The following HLCS variants were observed in gnomAD, a reference collection of about 807,000 sequenced individuals.
The protein encoded by HLCS is biotin--protein ligase.
HLCS carries 53 observed loss-of-function variants against 75.0 expected under a neutral mutation model. That is an observed-to-expected ratio of 0.71 (90% CI 0.57 to 0.89). The LOEUF (loss-of-function observed/expected upper bound fraction) is 0.89, where lower values mean the gene tolerates loss of function less well. HLCS is among the 40% of genes least tolerant of loss of function. HLCS has a pLI of 0.00. For synonymous variants in HLCS, 431 were observed against 428.6 expected, an observed-to-expected ratio of 1.01 and a Z score of -0.07; for missense variants, 966 against 1,074.0, an observed-to-expected ratio of 0.90 and a Z score of 1.41.
At chr21:36,798,471 C>T (rs2061096415) in intron 6 of HLCS, among the ~76,000 whole-genome samples, 1 of 152,216 alleles carries the variant, frequency 6.6e-6, no homozygotes, top group Admixed American at 6.5e-5. Flanking sequence ...TATCTACATA[C>T]AGTCTTTGTA....
At chr21:36,767,791 A>G (rs2090092614) in intron 6 of HLCS, among the ~76,000 whole-genome samples, 1 of 152,202 alleles carries the variant, frequency 6.6e-6, no homozygotes, top group Non-Finnish European at 1.5e-5. Context: ...AAGACACACT[A>G]TCCCCTGAGA....
At chr21:36,966,189 G>A (rs1601910479) in intron 1 of HLCS, among the ~76,000 whole-genome samples, 1 of 152,218 alleles carries the variant, frequency 6.6e-6, no homozygotes, top group East Asian at 1.9e-4. Context: ...CGTCCTCACA[G>A]GTGCGCGCCT....
chr21:36,782,048 C>T (rs778030656), intron 6 of HLCS, among the ~76,000 whole-genome samples: 16 of 151,820 alleles, frequency 1.1e-4, no homozygotes, highest in Non-Finnish European at 1.8e-4. Context: ...TCACATTTGT[C>T]TTAATGTTAG....
chr21:36,910,763 G>T (rs2065669786), intron 5 of HLCS, among the ~76,000 whole-genome samples: 1 of 152,146 alleles, frequency 6.6e-6, no homozygotes, highest in East Asian at 1.9e-4. Flanking sequence ...GGCAGCTTCT[G>T]TCTAGCCACA....
intron 5 of HLCS, among the ~76,000 whole-genome samples, chr21:36,929,838 G>C (rs1277021624): frequency 6.6e-6 from 1 of 152,240 alleles, no homozygotes; most frequent in Non-Finnish European, 1.5e-5. Context: ...ACGACTCACA[G>C]ACGTGAAACC....
At position 36,751,435 on chromosome 21, in the gene HLCS, G is replaced by C. The variant is rs796464077; in HGVS notation, c.*2811C>G. On this transcript the variant is annotated 3_prime_UTR_variant, in exon 11 of 11. Transcript: ENST00000674895. ...CCTTTTCCATCTGAAGCAGTGCGGGGAGGCTGGCTCCTCTCTTTGTTCCCA... is the reference window on the plus strand; with the variant it reads ...CCTTTTCCATCTGAAGCAGTGCGGGCAGGCTGGCTCCTCTCTTTGTTCCCA... The C allele has an allele frequency of 3.9e-5, 6 of 152,490 alleles. No homozygotes were observed. Among genetic ancestry groups the C allele is most frequent in the African/African-American group, 1.4e-4 (6 of 41,594 alleles). 9.4% of individuals were successfully genotyped at this position (152,490 alleles called of 1,614,324 possible).
chr21:36,946,678 C>T (rs955765400), intron 2 of HLCS, among the ~76,000 whole-genome samples: 5 of 151,882 alleles, frequency 3.3e-5, no homozygotes, highest in East Asian at 3.9e-4. Context: ...AAAGAATAAA[C>T]GCAGGCCTTT....
chr21:36,956,489 G>C (rs1213207829), intron 2 of HLCS, among the ~76,000 whole-genome samples: 4 of 152,320 alleles, frequency 2.6e-5, no homozygotes, highest in Non-Finnish European at 2.9e-5. Flanking sequence ...AGCACTTTGG[G>C]AGGCCGAGGT....
chr21:36,936,907 G>A lies in HLCS; in HGVS notation c.979C>T (p.His327Tyr). Residue 327 changes from histidine to tyrosine, a missense_variant, in exon 4 of 11, where the codon CAC becomes TAC. His to Tyr is a moderately conservative substitution (Grantham distance 83). Coordinates refer to ENST00000674895, the MANE Select transcript of HLCS (RefSeq NM_001352514.2). ...SDSQEALGRF[H>Y]EVRSVLADCV... is the part of the protein sequence containing the mutation. ...TCGGCCAGCACAGACCGGACCTCGT[G>A]GAACCGGCCGAGGGCTTCCTGGGAG... The A allele has an allele frequency of 6.2e-7, 1 of 1,614,184 alleles. No homozygotes were observed. Among genetic ancestry groups the A allele is most frequent in the Non-Finnish European group, 8.5e-7 (1 of 1,180,036 alleles).
chr21:36,907,337 G>A (rs1038888082), intron 5 of HLCS, among the ~76,000 whole-genome samples: 3 of 152,060 alleles, frequency 2.0e-5, no homozygotes, highest in African/African-American at 7.2e-5. Context: ...TAAAAATTAA[G>A]AATATTAACA....
At chr21:36,954,805 G>A (rs1035998080) in intron 2 of HLCS, among the ~76,000 whole-genome samples, 1 of 151,790 alleles carries the variant, frequency 6.6e-6, no homozygotes, top group African/African-American at 2.4e-5. Flanking sequence ...CCTCATGCCT[G>A]TAATCCCAGC....
At chr21:36,784,427 T>C (rs1014579419) in intron 6 of HLCS, among the ~76,000 whole-genome samples, 1 of 151,700 alleles carries the variant, frequency 6.6e-6, no homozygotes, top group Admixed American at 6.6e-5. Context: ...GCAATTCTCG[T>C]GCCTCAGCCA....
chr21:36,939,395 G>A (rs1341097191), intron 2 of HLCS, among the ~76,000 whole-genome samples: 1 of 152,180 alleles, frequency 6.6e-6, no homozygotes, highest in Non-Finnish European at 1.5e-5. Context: ...TTTTCTCAAA[G>A]TGTGGTCCGA....
rs554582371 is a variant in HLCS, at chr21:36,898,189, T to C, written c.1621-1058A>G. 2.0e-5 allele frequency among the ~76,000 whole-genome samples: 3 copies of C among 152,206 alleles called. No individual in the cohort carries two copies. The East Asian group carries it at 5.8e-4, about 29-fold the overall frequency. On this transcript the variant is annotated intron_variant, in intron 5 of 10. Transcript: ENST00000674895. ...GTCCGCGCGCAGTGGTTCACACCTGTAATCCCAGCACTTTGGGAGGCCCAG... is the reference window on the plus strand; with the variant it reads ...GTCCGCGCGCAGTGGTTCACACCTGCAATCCCAGCACTTTGGGAGGCCCAG...
intron 6 of HLCS, among the ~76,000 whole-genome samples, chr21:36,836,968 G>C (rs1032160726): frequency 6.6e-6 from 1 of 152,158 alleles, no homozygotes; most frequent in Non-Finnish European, 1.5e-5. Context: ...TGGATCACCT[G>C]AGGTCATGAG....
intron 6 of HLCS, among the ~76,000 whole-genome samples, chr21:36,856,823 T>A (rs772637751): frequency 6.6e-6 from 1 of 152,166 alleles, no homozygotes; most frequent in Non-Finnish European, 1.5e-5. Context: ...GCTAATGTAT[T>A]CTGAAATCAG....
chr21:36,897,652 T>C (rs1028234973), intron 5 of HLCS, among the ~76,000 whole-genome samples: 9 of 152,150 alleles, frequency 5.9e-5, no homozygotes, highest in Admixed American at 5.2e-4. Context: ...ACAAGGCAAG[T>C]TGATCACCAA....
chr21:36,952,777 G>T (rs541558196), intron 2 of HLCS, among the ~76,000 whole-genome samples: 2 of 131,008 alleles, frequency 1.5e-5, no homozygotes, highest in African/African-American at 2.9e-5. Context: ...GTGACAGAGT[G>T]AGACTCCGTC....
chr21:36,823,610 G>GGGGTGTGTGTGTGTGTGTGTGTGT (rs372824950), intron 6 of HLCS, among the ~76,000 whole-genome samples: 3 of 132,834 alleles, frequency 2.3e-5, no homozygotes, highest in Middle Eastern at 4.4e-3. Flanking sequence ...AAACGTGCAG[G>GGGGTGTGTGTGTGTGTGTGTGTGT]GTGTGTGTGT....
Sources: gnomAD v4.1 joint callset for allele counts (sites outside exome capture counted in the v4.1 genomes callset) on GRCh38, gnomAD v4.1.1 for gene constraint, MANE v1.5 for transcripts, NCBI Gene and HGNC (gene_info 2026-07-23, HGNC 2026-07-21) for gene names.